The following AKT3 variants were observed in gnomAD, a reference collection of about 807,000 sequenced individuals.
AKT3 encodes the protein RAC-gamma serine/threonine-protein kinase.
AKT3 carries 15 observed loss-of-function variants against 65.3 expected under a neutral mutation model. The ratio of observed to expected loss-of-function variants is 0.23; its 90% CI spans 0.15 to 0.35. AKT3 has a LOEUF of 0.35. AKT3 is among the 10% of genes least tolerant of loss of function. AKT3 has a pLI of 1.00. For missense variants in AKT3, 243 were observed against 576.5 expected (o/e 0.42, Z 5.92); for synonymous variants, 206 against 183.8 (o/e 1.12, Z -0.98).
chr1:243,495,611 G>A (rs1365652694), downstream of AKT3, among the ~76,000 whole-genome samples: 3 of 152,206 alleles, frequency 2.0e-5, no homozygotes, highest in Non-Finnish European at 4.4e-5. Flanking sequence ...GAGAACTTCA[G>A]TCGCTGTGCT....
intron 2 of AKT3, among the ~76,000 whole-genome samples, chr1:243,783,614 T>A (rs572849403): frequency 1.3e-5 from 2 of 152,308 alleles, no homozygotes; most frequent in East Asian, 3.9e-4. Context: ...TAAAAAATTT[T>A]TAATTCTTAA....
intron 2 of AKT3, among the ~76,000 whole-genome samples, chr1:243,832,230 C>T (rs952371388): frequency 1.4e-5 from 2 of 142,626 alleles, no homozygotes; most frequent in African/African-American, 5.2e-5. Flanking sequence ...AAAAAGCTAT[C>T]TTTCTAGATA....
chr1:243,740,892 C>G (rs866392402), intron 2 of AKT3: 18 of 152,102 alleles, frequency 1.2e-4, no homozygotes, highest in African/African-American at 4.3e-4. Context: ...ATGACTTATG[C>G]CATGACCTCT....
At chr1:243,540,106 A>T (rs1461828251) in intron 12 of AKT3, among the ~76,000 whole-genome samples, 2 of 152,180 alleles carry the variant, frequency 1.3e-5, no homozygotes, top group Non-Finnish European at 2.9e-5. Context: ...TAAAAAGCAA[A>T]CATGATCCTG....
chr1:243,575,801 C>T (rs1393552409), intron 8 of AKT3, among the ~76,000 whole-genome samples: 2 of 152,074 alleles, frequency 1.3e-5, no homozygotes, highest in African/African-American at 4.8e-5. Flanking sequence ...GTATTTCCAA[C>T]ACAGCCTAGG....
chr1:243,566,415 C>A (rs1031686202), intron 9 of AKT3, among the ~76,000 whole-genome samples: 4 of 152,006 alleles, frequency 2.6e-5, no homozygotes, highest in Non-Finnish European at 4.4e-5. Flanking sequence ...CAGTCCTGGG[C>A]AAACCAAGAC....
chr1:243,632,571 A>T (rs1204882365), intron 6 of AKT3, among the ~76,000 whole-genome samples: 3 of 152,200 alleles, frequency 2.0e-5, no homozygotes, highest in African/African-American at 7.2e-5. Flanking sequence ...CAATGGCTTC[A>T]ACTTAAAGTC....
At chr1:243,708,547 T>C (rs1250370437) in intron 2 of AKT3, among the ~76,000 whole-genome samples, 3 of 151,992 alleles carry the variant, frequency 2.0e-5, no homozygotes, top group Non-Finnish European at 4.4e-5. Flanking sequence ...TCAGTAAGCA[T>C]AATAATGCTG....
intron 2 of AKT3, among the ~76,000 whole-genome samples, chr1:243,771,259 A>G (rs1690169015): frequency 6.6e-6 from 1 of 152,050 alleles, no homozygotes; most frequent in Non-Finnish European, 1.5e-5. Flanking sequence ...ACACACCTCC[A>G]TTACTATGAT....
intron 2 of AKT3, among the ~76,000 whole-genome samples, chr1:243,750,166 A>C (rs1688711998): frequency 6.6e-6 from 1 of 152,182 alleles, no homozygotes. Flanking sequence ...AAAATTATGT[A>C]CTGCTTAATA....
At chr1:243,583,069 T>C (rs1675493874) in intron 8 of AKT3, among the ~76,000 whole-genome samples, 1 of 150,180 alleles carries the variant, frequency 6.7e-6, no homozygotes, top group Non-Finnish European at 1.5e-5. Context: ...AAGACTTAAC[T>C]ATCACATATA....
chr1:243,750,139 G>C (rs939276447), intron 2 of AKT3, among the ~76,000 whole-genome samples: 7 of 152,074 alleles, frequency 4.6e-5, no homozygotes, highest in Non-Finnish European at 2.9e-5. Flanking sequence ...AAATTGATTT[G>C]CCTATGAATT....
chr1:243,650,114 T>C (rs1371982829), intron 4 of AKT3, among the ~76,000 whole-genome samples: 2 of 152,216 alleles, frequency 1.3e-5, no homozygotes, highest in African/African-American at 2.4e-5. Flanking sequence ...TTCTAACTGG[T>C]GTGAGATGGT....
intron 4 of AKT3, among the ~76,000 whole-genome samples, chr1:243,653,117 G>T (rs1681504814): frequency 6.6e-6 from 1 of 151,840 alleles, no homozygotes; most frequent in African/African-American, 2.4e-5. Context: ...GACTAATAAA[G>T]AAGAGAGAAA....
chr1:243,655,478 A>G (rs1015531449), intron 4 of AKT3, among the ~76,000 whole-genome samples: 3 of 151,884 alleles, frequency 2.0e-5, no homozygotes, highest in Non-Finnish European at 2.9e-5. Context: ...TTTTGGCCAC[A>G]TAGTGTTGAA....
chr1:243,541,313 G>T (rs1672301685), intron 12 of AKT3, among the ~76,000 whole-genome samples: 1 of 152,124 alleles, frequency 6.6e-6, no homozygotes, highest in Admixed American at 6.5e-5. Context: ...ATAGACTCAT[G>T]ATTACATATT....
At chr1:243,813,391 T>C (rs907889649) in intron 2 of AKT3, among the ~76,000 whole-genome samples, 3 of 152,038 alleles carry the variant, frequency 2.0e-5, no homozygotes, top group South Asian at 2.1e-4. Context: ...TCAGTGTATA[T>C]TGCTTGGGTG....
rs200861028 is a variant in AKT3 at position 243,774,197 on chromosome 1, ATTTAAG to A, written c.46+68922_46+68927del. Among the ~76,000 whole-genome samples, 1,266 of 152,298 alleles carry A rather than the reference ATTTAAG, an allele frequency of 8.3e-3. 15 individuals carry two copies. Among genetic ancestry groups the A allele is most frequent in the African/African-American group, 0.029 (1,217 of 41,570 alleles). On this transcript the variant is annotated intron_variant, in intron 2 of 13. Coordinates refer to ENST00000673466, the MANE Select transcript of AKT3 (RefSeq NM_005465.7). Reference sequence around the variant, plus strand: ...AATTCATTAGTAAACCAGTATATCAATTTAAGTTTATTTTTTACACTGTGAAATATA... The same window carrying A: ...AATTCATTAGTAAACCAGTATATCAATTTATTTTTTACACTGTGAAATATA...
chr1:243,792,629 T>C (rs926030298), intron 2 of AKT3, among the ~76,000 whole-genome samples: 1 of 152,036 alleles, frequency 6.6e-6, no homozygotes, highest in African/African-American at 2.4e-5. Context: ...TACAGCTACA[T>C]GGGGGAGGGG....
Sources: gnomAD v4.1 joint callset for allele counts (sites outside exome capture counted in the v4.1 genomes callset) on GRCh38, gnomAD v4.1.1 for gene constraint, MANE v1.5 for transcripts, NCBI Gene and HGNC (gene_info 2026-07-23, HGNC 2026-07-21) for gene names.